Variants in FHIT observed in about 807,000 individuals in gnomAD.
FHIT encodes the protein fragile histidine triad diadenosine triphosphatase.
FHIT carries 19 observed loss-of-function variants against 17.9 expected under a neutral mutation model. The ratio of observed to expected loss-of-function variants is 1.06; its 90% confidence interval spans 0.74 to 1.56. The LOEUF (loss-of-function observed/expected upper bound fraction) is 1.56, where lower values mean the gene tolerates loss of function less well. Ranked by LOEUF, FHIT falls within the 40% of genes most tolerant of loss-of-function variation. The pLI is 0.00. For missense variants in FHIT, 248 were observed against 189.2 expected (o/e 1.31, Z -1.82); for synonymous variants, 81 against 69.7 (o/e 1.16, Z -0.81).
At chr3:60,513,800 C>T (rs921596920) in intron 5 of FHIT, among the ~76,000 whole-genome samples, 1 of 152,074 alleles carries the variant, frequency 6.6e-6, no homozygotes, top group African/African-American at 2.4e-5. Context: ...TGTTTTTGTG[C>T]CCAGATGTTG....
At chr3:60,253,453 A>G (rs1403678498) in intron 5 of FHIT, among the ~76,000 whole-genome samples, 1 of 152,242 alleles carries the variant, frequency 6.6e-6, no homozygotes, top group African/African-American at 2.4e-5. Flanking sequence ...AACAATTACA[A>G]AAATGTACCA....
At chr3:60,578,698 C>T (rs1299628511) in intron 4 of FHIT, among the ~76,000 whole-genome samples, 1 of 152,026 alleles carries the variant, frequency 6.6e-6, no homozygotes, top group Non-Finnish European at 1.5e-5. Flanking sequence ...ATAGCCATCT[C>T]TAAGGAGAAA....
intron 5 of FHIT, among the ~76,000 whole-genome samples, chr3:60,024,600 C>T (rs1017497830): frequency 4.7e-4 from 71 of 152,290 alleles, no homozygotes; most frequent in African/African-American, 1.6e-3. Flanking sequence ...CCTCTCCCTT[C>T]CAAAGATGTG....
Position 60,382,243 on chromosome 3 carries a change from C to T in FHIT, c.103+154617G>A, listed in dbSNP as rs545681070. 6.6e-5 allele frequency among the ~76,000 whole-genome samples: 10 copies of T among 152,318 alleles called. No individual in the cohort carries two copies. In the East Asian group the frequency reaches 1.2e-3, roughly 18 times the overall value. ...GACATCTCTTGCGGACATAGAATTGCGGAGTGGTGCCCACATACACCAAAC... is the reference window on the plus strand; with the variant it reads ...GACATCTCTTGCGGACATAGAATTGTGGAGTGGTGCCCACATACACCAAAC... On this transcript the variant is annotated intron_variant, in intron 5 of 9. Transcript: ENST00000492590.
intron 5 of FHIT, among the ~76,000 whole-genome samples, chr3:60,051,156 G>T (rs557645985): frequency 6.6e-6 from 1 of 151,986 alleles, no homozygotes; most frequent in Non-Finnish European, 1.5e-5. Context: ...GTAGGGGAAG[G>T]TTGGGCCTCT....
chr3:60,514,736 T>A (rs1484587726), intron 5 of FHIT, among the ~76,000 whole-genome samples: 1 of 152,056 alleles, frequency 6.6e-6, no homozygotes, highest in Non-Finnish European at 1.5e-5. Context: ...CCATTTTGCC[T>A]CCAATGTCAG....
At chr3:60,623,555 C>G (rs1206761697) in intron 4 of FHIT, among the ~76,000 whole-genome samples, 3 of 152,124 alleles carry the variant, frequency 2.0e-5, no homozygotes, top group Admixed American at 2.0e-4. Flanking sequence ...GTGTTTGTAT[C>G]ACTCAACTCG....
intron 4 of FHIT, among the ~76,000 whole-genome samples, chr3:60,587,912 G>C (rs1473662627): frequency 6.6e-6 from 1 of 151,880 alleles, no homozygotes; most frequent in African/African-American, 2.4e-5. Flanking sequence ...TCTGTATCAG[G>C]AGGCAAGTCT....
chr3:61,085,018 T>C (rs2035262336), intron 2 of FHIT, among the ~76,000 whole-genome samples: 1 of 152,212 alleles, frequency 6.6e-6, no homozygotes, highest in Non-Finnish European at 1.5e-5. Context: ...TATTCCCTTG[T>C]ATAAATATAC....
chr3:59,953,206 G>A (rs1217168993), intron 7 of FHIT, among the ~76,000 whole-genome samples: 8 of 151,286 alleles, frequency 5.3e-5, no homozygotes, highest in Non-Finnish European at 8.8e-5. Flanking sequence ...CTCTGCATCT[G>A]TCCCTGTCTC....
chr3:61,051,439 G>A (rs938388697), intron 2 of FHIT, among the ~76,000 whole-genome samples: 2 of 151,880 alleles, frequency 1.3e-5, no homozygotes, highest in Non-Finnish European at 2.9e-5. Flanking sequence ...TGGTACAGAC[G>A]AGGCTTCACC....
intron 5 of FHIT, among the ~76,000 whole-genome samples, chr3:60,466,505 G>C (rs1054755439): frequency 6.6e-6 from 1 of 151,948 alleles, no homozygotes; most frequent in African/African-American, 2.4e-5. Context: ...TATTAGCTGT[G>C]GGTCTGTCAT....
At chr3:59,849,601 C>A (rs532755838) in intron 8 of FHIT, among the ~76,000 whole-genome samples, 1 of 152,086 alleles carries the variant, frequency 6.6e-6, no homozygotes, top group African/African-American at 2.4e-5. Context: ...GCTAGGAATT[C>A]GTTTCCTAAA....
At chr3:60,926,969 C>A (rs979583219) in intron 3 of FHIT, among the ~76,000 whole-genome samples, 4 of 152,170 alleles carry the variant, frequency 2.6e-5, no homozygotes, top group Non-Finnish European at 5.9e-5. Flanking sequence ...CTCTCCCTCT[C>A]CCTTTCATCT....
chr3:60,488,667 A>G (rs2033941695), intron 5 of FHIT, among the ~76,000 whole-genome samples: 2 of 152,290 alleles, frequency 1.3e-5, no homozygotes, highest in South Asian at 4.1e-4. Flanking sequence ...CAGTGTGACT[A>G]AACAGAACCT....
intron 4 of FHIT, among the ~76,000 whole-genome samples, chr3:60,717,209 T>G (rs1268565430): frequency 6.6e-6 from 1 of 152,100 alleles, no homozygotes; most frequent in Non-Finnish European, 1.5e-5. Flanking sequence ...GCAAGATAAG[T>G]AAGTTTTGGA....
At chr3:59,754,634 C>A (rs528748057) in intron 8 of FHIT, among the ~76,000 whole-genome samples, 1 of 152,136 alleles carries the variant, frequency 6.6e-6, no homozygotes, top group Non-Finnish European at 1.5e-5. Context: ...ACAGATCATA[C>A]CAGAGGAATC....
At chr3:60,614,099 G>T (rs1211251997) in intron 4 of FHIT, among the ~76,000 whole-genome samples, 1 of 152,102 alleles carries the variant, frequency 6.6e-6, no homozygotes, top group South Asian at 2.1e-4. Flanking sequence ...AAGCAGCCAT[G>T]ACTGGACACA....
At chr3:61,070,642 T>A (rs1488694473) in intron 2 of FHIT, among the ~76,000 whole-genome samples, 1 of 152,234 alleles carries the variant, frequency 6.6e-6, no homozygotes, top group Non-Finnish European at 1.5e-5. Flanking sequence ...TCATAACCAA[T>A]ATGTTGCTAA....
Sources: allele counts gnomAD v4.1 joint callset (sites outside exome capture counted in the v4.1 genomes callset), GRCh38; gene constraint gnomAD v4.1.1; transcripts MANE v1.5; gene names NCBI Gene and HGNC (gene_info 2026-07-23, HGNC 2026-07-21).